The following CAMTA1 variants were observed in gnomAD, a reference collection of about 807,000 sequenced individuals.
CAMTA1 encodes the protein calmodulin-binding transcription activator 1.
CAMTA1 carries 27 observed loss-of-function variants against 170.9 expected under a neutral mutation model. The ratio of observed to expected loss-of-function variants is 0.16; its 90% CI spans 0.12 to 0.22. CAMTA1 has a LOEUF of 0.22. Among genes scored for constraint, CAMTA1 ranks in the 10% least tolerant of loss-of-function variants. The probability of loss-of-function intolerance (pLI) is 1.00; values close to 1 mark genes in which losing one functional copy is unlikely to be tolerated. For missense variants in CAMTA1, 1,619 were observed against 2,217.2 expected, an observed-to-expected ratio of 0.73 and a Z score of 5.42; for synonymous variants, 833 against 891.5, an observed-to-expected ratio of 0.93 and a Z score of 1.17.
chr1:7,557,711 G>A (rs1075368), intron 6 of CAMTA1, among the ~76,000 whole-genome samples: 50,180 of 152,050 alleles, frequency 0.33, 9,893 homozygotes, highest in East Asian at 0.54. Context: ...CGTGTGCCAG[G>A]CTCTGGCCCA....
intron 5 of CAMTA1, among the ~76,000 whole-genome samples, chr1:7,360,805 C>T (rs574720277): frequency 1.1e-3 from 170 of 152,378 alleles, no homozygotes; most frequent in Non-Finnish European, 1.7e-3. Flanking sequence ...CATCCCTCTC[C>T]TGCCACGCCT....
chr1:7,378,836 G>A (rs1424854922), intron 5 of CAMTA1, among the ~76,000 whole-genome samples: 2 of 152,194 alleles, frequency 1.3e-5, no homozygotes, highest in African/African-American at 2.4e-5. Context: ...TGAGGCCTGT[G>A]GGCCCAGCAG....
intron 5 of CAMTA1, among the ~76,000 whole-genome samples, chr1:7,328,793 C>T (rs1172267392): frequency 6.6e-6 from 1 of 151,910 alleles, no homozygotes; most frequent in Non-Finnish European, 1.5e-5. Context: ...TACCTTTTCC[C>T]CCCAAATCTG....
chr1:7,732,927 C>T lies in CAMTA1; in HGVS notation c.3066+328C>T, dbSNP rs1558246044. ...AATAGAGGCTGGCTGGGCATGGTGG[C>T]TCACGCCTATAATCCCAGCGCTGTA... is the stretch of plus-strand genomic sequence containing the variant. On this transcript the variant is annotated intron_variant, in intron 12 of 22. Coordinates refer to ENST00000303635, the MANE Select transcript of CAMTA1 (RefSeq NM_015215.4). This position sits in a 1 kb window ranked among gnomAD's most constrained non-coding sequence, Gnocchi z 4.1. Among the ~76,000 whole-genome samples, 2 of 152,262 alleles carry T rather than the reference C, an allele frequency of 1.3e-5. No homozygotes were observed. The highest frequency in any genetic ancestry group is 3.4e-3 in the Middle Eastern group (1 of 294).
At chr1:7,598,305 T>G (rs1208654860) in intron 6 of CAMTA1, among the ~76,000 whole-genome samples, 1 of 152,250 alleles carries the variant, frequency 6.6e-6, no homozygotes, top group Non-Finnish European at 1.5e-5. Flanking sequence ...ATGGTGTATA[T>G]GTGCCACATT....
intron 11 of CAMTA1, among the ~76,000 whole-genome samples, chr1:7,723,154 C>T (rs2096660465): frequency 6.6e-6 from 1 of 151,998 alleles, no homozygotes; most frequent in South Asian, 2.1e-4. Flanking sequence ...ATAAAAAGAA[C>T]CAAAGCTCCA....
intron 3 of CAMTA1, among the ~76,000 whole-genome samples, chr1:7,021,858 G>T (rs572265258): frequency 1.3e-5 from 2 of 152,160 alleles, no homozygotes; most frequent in African/African-American, 4.8e-5. Flanking sequence ...CCAGCAGGGG[G>T]CATTTCTTTC....
At chr1:6,930,347 C>T (rs1450381884) in intron 3 of CAMTA1, among the ~76,000 whole-genome samples, 2 of 152,110 alleles carry the variant, frequency 1.3e-5, no homozygotes, top group Admixed American at 6.5e-5. Flanking sequence ...TGGCTGGTGG[C>T]GACTTTGAGT....
chr1:7,351,884 C>T (rs1225138328), intron 5 of CAMTA1, among the ~76,000 whole-genome samples: 1 of 152,156 alleles, frequency 6.6e-6, no homozygotes. Context: ...CATGAGCCTC[C>T]GACCAAGAGG....
At chr1:7,740,630 A>G (rs565674076) in intron 16 of CAMTA1, among the ~76,000 whole-genome samples, 2 of 152,354 alleles carry the variant, frequency 1.3e-5, no homozygotes, top group South Asian at 2.1e-4. Flanking sequence ...TTGGTGCCAC[A>G]TGTGGAATCG....
chr1:7,713,883 A>G (rs115385577), intron 11 of CAMTA1, among the ~76,000 whole-genome samples: 2,343 of 152,266 alleles, frequency 0.015, 56 homozygotes, highest in African/African-American at 0.053. Context: ...TTTCTCTTAA[A>G]TTTCTCTTAT....
chr1:7,687,565 C>T (rs1051789602), intron 11 of CAMTA1, among the ~76,000 whole-genome samples: 2 of 152,124 alleles, frequency 1.3e-5, no homozygotes, highest in Admixed American at 6.5e-5. Context: ...CTTGCCTGGC[C>T]CAGGAGATCG....
Position 7,752,404 on chromosome 1 carries a change from C to G in CAMTA1, c.4884-55C>G, listed in dbSNP as rs921809553. ...TCCTCTGTCACTGCTGACCAGTTTT[C>G]CATATTGGGCTTTACTGTAACCTTC... On this transcript the variant is annotated intron_variant, in intron 20 of 22. Transcript: ENST00000303635. The G allele has an allele frequency of 4.0e-6, 6 of 1,494,670 alleles. No homozygotes were observed. The African/African-American group carries it at 8.3e-5, about 21-fold the overall frequency. The allele number at this position is 1,494,670 out of a possible 1,614,324, so 92.6% of individuals were successfully genotyped here.
At chr1:7,262,953 A>G (rs1668388200) in intron 5 of CAMTA1, among the ~76,000 whole-genome samples, 1 of 152,200 alleles carries the variant, frequency 6.6e-6, no homozygotes, top group African/African-American at 2.4e-5. Flanking sequence ...TGCAGAACCG[A>G]TCACACTTGC....
At chr1:7,432,244 C>T (rs2092194409) in intron 5 of CAMTA1, among the ~76,000 whole-genome samples, 1 of 152,178 alleles carries the variant, frequency 6.6e-6, no homozygotes, top group Non-Finnish European at 1.5e-5. Context: ...GTGAGCTAAA[C>T]ATAACATCCC....
In CAMTA1 at chr1:7,599,781, C is replaced by T. The variant is rs56320605; in HGVS notation, c.511-40619C>T. ...TATAAGAATGCTTGTGATTTTTGCACATTGATTTTGTATCCTGAGACTTTG... is the reference window on the plus strand; with the variant it reads ...TATAAGAATGCTTGTGATTTTTGCATATTGATTTTGTATCCTGAGACTTTG... On this transcript the variant is annotated intron_variant, in intron 6 of 22. Transcript: ENST00000303635. Among the ~76,000 whole-genome samples, 892 of 152,244 alleles carry T rather than the reference C, an allele frequency of 5.9e-3. 6 individuals are homozygous for T. Among genetic ancestry groups the T allele is most frequent in the Non-Finnish European group, 7.1e-3 (482 of 68,028 alleles).
Position 7,738,174 on chromosome 1 carries a change from G to C in CAMTA1, c.3874G>C (p.Gly1292Arg), listed in dbSNP as rs1343806138. 9 of 1,613,930 alleles carry C rather than the reference G, an allele frequency of 5.6e-6. No homozygotes were observed. Among genetic ancestry groups the C allele is most frequent in the Non-Finnish European group, 7.6e-6 (9 of 1,180,012 alleles). Residue 1292 changes from glycine to arginine, a missense_variant, in exon 16 of 23, where the codon GGA (glycine) becomes CGA (arginine). By Grantham distance (125) the Gly-to-Arg change is moderately radical (BLOSUM62 -2). Coordinates refer to ENST00000303635, the MANE Select transcript of CAMTA1 (RefSeq NM_015215.4). The surrounding 1 kb of genome is among the most constrained non-coding windows in gnomAD (Gnocchi z 4.9). ...SVPETLSPSEGVRDFSRELSP... is the reference protein window; with the variant it reads ...SVPETLSPSERVRDFSRELSP... ...CCCCGAGACACTCAGCCCCAGTGAA[G>C]GAGTGAGGGACTTCAGCCGGGAACT...
intron 1 of CAMTA1, among the ~76,000 whole-genome samples, chr1:6,810,049 A>T (rs1452008345): frequency 2.6e-5 from 4 of 152,206 alleles, no homozygotes; most frequent in Non-Finnish European, 5.9e-5. Context: ...TGAGTGTATT[A>T]GTTATCTATA....
At chr1:7,712,417 C>A (rs1040640891) in intron 11 of CAMTA1, among the ~76,000 whole-genome samples, 1 of 152,046 alleles carries the variant, frequency 6.6e-6, no homozygotes, top group Non-Finnish European at 1.5e-5. Context: ...ACTGCCCAGG[C>A]TCAAGTGATC....
Sources: gnomAD v4.1 joint callset for allele counts (sites outside exome capture counted in the v4.1 genomes callset) on GRCh38, gnomAD v4.1.1 for gene constraint, Gnocchi (gnomAD v3.1) non-coding constraint, MANE v1.5 for transcripts, NCBI Gene and HGNC (gene_info 2026-07-23, HGNC 2026-07-21) for gene names.